Variants in LRRC71 observed in about 807,000 individuals in gnomAD.
LRRC71 encodes the protein leucine-rich repeat-containing protein 71.
Under a neutral mutation model 66.6 loss-of-function variants are expected in LRRC71, and 54 were observed. That is an observed-to-expected ratio of 0.81 (90% confidence interval 0.65 to 1.02). The LOEUF is 1.02. LRRC71 is among the 50% of genes least tolerant of loss of function. The probability of loss-of-function intolerance (pLI) is 0.00; values close to 1 mark genes in which losing one functional copy is unlikely to be tolerated. For missense variants in LRRC71, 724 were observed against 718.0 expected (o/e 1.01, Z -0.10); for synonymous variants, 323 against 303.9 (o/e 1.06, Z -0.65).
downstream of LRRC71, chr1:156,936,006 T>C: frequency 1.9e-6 from 3 of 1,613,398 alleles, no homozygotes; most frequent in South Asian, 3.3e-5. Flanking sequence ...ACGGTTATGG[T>C]CCTGGTGACG....
At chr1:156,934,583 C>CTA (rs1202290482), downstream of LRRC71, among the ~76,000 whole-genome samples, 4 of 151,526 alleles carry the variant, frequency 2.6e-5, no homozygotes, top group East Asian at 1.9e-4. Context: ...ATATATGTAT[C>CTA]TATATATATA....
At chr1:156,938,492 A>G in the LRRC71 span, 2 of 1,613,242 alleles carry the variant, frequency 1.2e-6, no homozygotes. Flanking sequence ...TGCAGGGACA[A>G]CCTTGCTGCC....
intron 1 of LRRC71, among the ~76,000 whole-genome samples, chr1:156,921,450 T>G (rs1171852517): frequency 6.6e-6 from 1 of 152,122 alleles, no homozygotes; most frequent in African/African-American, 2.4e-5. Context: ...AAACTAAGCA[T>G]GAAGGGGAAA....
At chr1:156,924,394 T>C (rs1019378671) in intron 2 of LRRC71, 30 bp from the exon 3 acceptor site, 5 of 1,543,016 alleles carry the variant, frequency 3.2e-6, no homozygotes, top group Non-Finnish European at 4.4e-6. Context: ...GAGGTGGCTG[T>C]TCCCCTCCCT....
Position 156,933,045 on chromosome 1 carries a change from G to A in LRRC71, c.*76G>A. On this transcript the variant is annotated 3_prime_UTR_variant, in exon 15 of 15. Transcript: ENST00000337428. ...TGTCCCTGTGTGGGGTGACCTCCCT[G>A]GGGGAGATCTCAGACCAATAACAAA... The A allele has an allele frequency of 9.7e-7, 1 of 1,033,654 alleles. No individual in the cohort carries two copies. Among genetic ancestry groups the A allele is most frequent in the Non-Finnish European group, 1.4e-6 (1 of 698,008 alleles). 64.0% of individuals were successfully genotyped at this position (1,033,654 alleles called of 1,614,324 possible).
chr1:156,927,355 C>A, intron 6 of LRRC71, 85 bp downstream of exon 6: 1 of 1,549,114 alleles, frequency 6.5e-7, no homozygotes, highest in Non-Finnish European at 8.8e-7. Flanking sequence ...CCTTGTCCCC[C>A]TACCATCTCG....
intron 1 of LRRC71, 22 bp from the exon 2 acceptor site, chr1:156,923,927 A>T: frequency 6.9e-7 from 1 of 1,448,246 alleles, no homozygotes; most frequent in African/African-American, 1.4e-5. Flanking sequence ...CCCTTCTCTC[A>T]CGCCCCTGCC....
chr1:156,938,295 A>G, the LRRC71 span: 1 of 867,584 alleles, frequency 1.2e-6, no homozygotes, highest in Non-Finnish European at 1.8e-6. Context: ...CCTCCTCCCC[A>G]TTCCAGGCAG....
the LRRC71 span, chr1:156,940,399 C>T: frequency 1.1e-5 from 17 of 1,608,550 alleles, no homozygotes; most frequent in East Asian, 3.8e-4. Context: ...TGGTGCTTCC[C>T]TTGGACCCTC....
In LRRC71 at chr1:156,924,040, G is replaced by GACCCGC; in HGVS notation, c.252_253insACCCGC (p.Arg84_Pro85insThrArg). 1 of 1,546,564 alleles carries GACCCGC rather than the reference G, an allele frequency of 6.5e-7. No homozygotes were observed. Among genetic ancestry groups the GACCCGC allele is most frequent in the African/African-American group, 1.4e-5 (1 of 73,036 alleles). On this transcript the variant is annotated inframe_insertion, in exon 2 of 15. Transcript: ENST00000337428. The stretch of plus-strand genomic sequence containing the variant: ...CGGACTTCCCCAAAGTTGTCAACCG[G>GACCCGC]CCCCGCCCCCACCCGCCCTTCGTCC...
chr1:156,921,005 C>T lies in LRRC71; in HGVS notation c.160+42C>T, dbSNP rs116383192. 1.7e-4 allele frequency: 253 copies of T among 1,459,302 alleles called. No individual in the cohort carries two copies. In the African/African-American group the frequency reaches 2.3e-3, roughly 13 times the overall value. The allele number at this position is 1,459,302 out of a possible 1,614,324, so 90.4% of individuals were successfully genotyped here. A position where few individuals can be genotyped will look rare whatever the true frequency, so the allele number is the denominator to read the frequency against. On this transcript the variant is annotated intron_variant, in intron 1 of 14. Coordinates refer to ENST00000337428, the MANE Select transcript of LRRC71 (RefSeq NM_144702.3). Reference sequence around the variant, plus strand: ...GTTTGGGGATCGGGCTTCCAGGCTGCGTCTTCCCGGGTTCCCACTAGCTAC... The same window carrying T: ...GTTTGGGGATCGGGCTTCCAGGCTGTGTCTTCCCGGGTTCCCACTAGCTAC...
the LRRC71 span, chr1:156,939,464 T>C: frequency 9.5e-6 from 15 of 1,582,824 alleles, no homozygotes; most frequent in South Asian, 4.5e-5. Context: ...AGGGGGAGTA[T>C]AGGGAAGGAA....
Position 156,932,935 on chromosome 1 carries a change from T to A in LRRC71, c.1646T>A (p.Leu549His), listed in dbSNP as rs1404956609. The A allele has an allele frequency of 6.3e-7, 1 of 1,593,532 alleles. No homozygotes were observed. The highest frequency in any genetic ancestry group is 1.1e-5 in the South Asian group (1 of 87,206). Reference protein sequence around the residue: ...MLPRDPIKAKLREDEAMAFFP With the variant: ...MLPRDPIKAKHREDEAMAFFP ...CCAAGGGATCCCATCAAGGCCAAAC[T>A]CAGGGAGGATGAGGCCATGGCATTC... is the stretch of plus-strand genomic sequence containing the variant. The change falls in exon 15 of 15, where the codon CTC becomes CAC. Residue 549 changes from leucine (L) to histidine (H), a missense_variant. Leu to His is a moderately conservative substitution (Grantham distance 99). Coordinates refer to ENST00000337428, the MANE Select transcript of LRRC71 (RefSeq NM_144702.3).
chr1:156,939,888 G>A, the LRRC71 span: 2 of 1,607,104 alleles, frequency 1.2e-6, no homozygotes, highest in East Asian at 2.2e-5. Context: ...GGCTCCACAG[G>A]ATCAGATGTC....
At position 156,924,729 on chromosome 1, in the gene LRRC71, C is replaced by T; in HGVS notation, c.515+11C>T. The T allele has an allele frequency of 1.9e-6, 3 of 1,551,502 alleles. No individual in the cohort carries two copies. The highest frequency in any genetic ancestry group is 1.7e-6 in the Non-Finnish European group (2 of 1,146,862). On this transcript the variant is annotated intron_variant, in intron 4 of 14. Coordinates refer to ENST00000337428, the MANE Select transcript of LRRC71 (RefSeq NM_144702.3). ...GCTACAGGCCATCAAGTGAGAGGCA[C>T]TGAGGGGATGGGCGGGGGACCAGAG...
chr1:156,930,076 C>CTTTCT (rs1553189730), intron 11 of LRRC71, among the ~76,000 whole-genome samples: 15 of 42,486 alleles, frequency 3.5e-4, no homozygotes, highest in Middle Eastern at 8.1e-3. Context: ...TTCTTTCTTT[C>CTTTCT]TTTTCTTTCT....
In LRRC71 at chr1:156,924,669, GGT is replaced by G; in HGVS notation, c.469_470del (p.Val157LeufsTer3). ...RGWKVEERIL[G>X]VFSKCLPPLT... The stretch of plus-strand genomic sequence containing the variant: ...TTGGAAGGTTGAGGAACGGATTCTG[GGT>G]GTCTTCTCTAAATGTCTGCCCCCGC... On this transcript the variant is annotated frameshift_variant, in exon 4 of 15. Coordinates refer to ENST00000337428, the MANE Select transcript of LRRC71 (RefSeq NM_144702.3). LOFTEE classifies it high-confidence loss of function. 1 of 1,551,670 alleles carries G rather than the reference GGT, an allele frequency of 6.4e-7. No homozygotes were observed. Among genetic ancestry groups the G allele is most frequent in the African/African-American group, 1.4e-5 (1 of 73,170 alleles).
At chr1:156,940,409 C>G in the LRRC71 span, 28 of 1,604,610 alleles carry the variant, frequency 1.7e-5, no homozygotes, top group Admixed American at 3.4e-5. Flanking sequence ...CTTGGACCCT[C>G]TGCTGGGACC....
chr1:156,927,774 C>G lies in LRRC71; in HGVS notation c.864C>G (p.Ala288=). 6.2e-7 allele frequency: 1 copy of G among 1,612,362 alleles called. No individual in the cohort carries two copies. The highest frequency in any genetic ancestry group is 8.5e-7 in the Non-Finnish European group (1 of 1,179,736). Residue 288 remains alanine, a synonymous_variant, in exon 8 of 15, where the codon GCC becomes GCG. Transcript: ENST00000337428. ...GTTCCCTGCTCTGGCTGTCCCTGGC[C>G]CACAACCGCATCCAGGACAAGGGCG... ...LNRSLLWLSL[A]HNRIQDKGAL... is the part of the protein sequence containing the mutation.
Sources: allele counts gnomAD v4.1 joint callset (sites outside exome capture counted in the v4.1 genomes callset), GRCh38; gene constraint gnomAD v4.1.1; transcripts MANE v1.5; gene names NCBI Gene and HGNC (gene_info 2026-07-23, HGNC 2026-07-21).